KLHL4: variants seen among roughly 807,000 people sequenced by gnomAD.
KLHL4 encodes kelch-like protein 4.
KLHL4 carries 17 observed loss-of-function variants against 45.8 expected under a neutral mutation model. That is an observed-to-expected ratio of 0.37 (90% CI 0.25 to 0.56). The LOEUF (loss-of-function observed/expected upper bound fraction) is 0.56, where lower values mean the gene tolerates loss of function less well. KLHL4 is among the 20% of genes least tolerant of loss of function. KLHL4 has a pLI of 0.79. For missense variants in KLHL4, 544 were observed against 544.9 expected, an observed-to-expected ratio of 1.00 and a Z score of 0.02; for synonymous variants, 224 against 189.9, an observed-to-expected ratio of 1.18 and a Z score of -1.47.
At chrX:87,662,177 T>A (rs917603255) in intron 9 of KLHL4, among the ~76,000 whole-genome samples, 4 of 111,864 alleles carry the variant, frequency 3.6e-5, no homozygotes, top group Non-Finnish European at 7.5e-5. Context: ...AATATAATTT[T>A]CAAAAAGTTA....
intron 9 of KLHL4, among the ~76,000 whole-genome samples, chrX:87,652,587 C>T (rs1446399477): frequency 8.9e-6 from 1 of 112,037 alleles, no homozygotes; most frequent in Non-Finnish European, 1.9e-5. Context: ...CACCTTTGCT[C>T]CAATTCCCAA....
chrX:87,623,745 C>T (rs222067), intron 5 of KLHL4, among the ~76,000 whole-genome samples: 41,737 of 110,570 alleles, frequency 0.38, 6,033 homozygotes, highest in Middle Eastern at 0.47. Flanking sequence ...GCAATAGTAA[C>T]GCCAAAAACA....
In KLHL4 at chrX:87,668,358, T is replaced by A; in HGVS notation, c.*1824T>A. The A allele has an allele frequency of 1.3e-6, 1 of 753,340 alleles. No individual in the cohort carries two copies. The highest frequency in any genetic ancestry group is 1.6e-6 in the Non-Finnish European group (1 of 638,744). The allele number at this position is 753,340 out of a possible 1,213,427, so 62.1% of individuals were successfully genotyped here. On this transcript the variant is annotated 3_prime_UTR_variant, in exon 11 of 11. Coordinates refer to ENST00000373119, the MANE Select transcript of KLHL4 (RefSeq NM_019117.5). ...ACCAATAGGCAGACTGTGTCTAGAG[T>A]CATGCATGGACAAGAGGAAAGTGAA...
intron 1 of KLHL4, among the ~76,000 whole-genome samples, chrX:87,561,723 C>T (rs6614689): frequency 0.25 from 26,976 of 108,860 alleles, 2,894 homozygotes; most frequent in East Asian, 0.51. Context: ...GGCCGTGCTG[C>T]TTGCAGCTGT....
chrX:87,551,766 G>A (rs758522934), intron 1 of KLHL4, among the ~76,000 whole-genome samples: 1 of 111,467 alleles, frequency 9.0e-6, no homozygotes. Context: ...ACAGCCAACT[G>A]ATCTTCCACA....
At chrX:87,541,492 CAAAA>C (rs34665491) in intron 1 of KLHL4, among the ~76,000 whole-genome samples, 2 of 44,402 alleles carry the variant, frequency 4.5e-5, no homozygotes, top group Non-Finnish European at 7.4e-5. Flanking sequence ...CTCCATCTCA[CAAAA>C]AAAAAAAAAA....
chrX:87,518,332 G>C lies in KLHL4; in HGVS notation c.422+17G>C. 1 of 1,157,159 alleles carries C rather than the reference G, an allele frequency of 8.6e-7. No individual in the cohort carries two copies. Among genetic ancestry groups the C allele is most frequent in the Non-Finnish European group, 1.2e-6 (1 of 856,748 alleles). Reference sequence around the variant, plus strand: ...TACAGCAAGGTAAGAGTTTTTGGTCGCATAACTGAATGCCGTAACTTCAGT... The same window carrying C: ...TACAGCAAGGTAAGAGTTTTTGGTCCCATAACTGAATGCCGTAACTTCAGT... On this transcript the variant is annotated intron_variant, in intron 1 of 10. Transcript: ENST00000373119.
chrX:87,535,330 T>G, intron 1 of KLHL4, among the ~76,000 whole-genome samples: 1 of 111,838 alleles, frequency 8.9e-6, no homozygotes, highest in East Asian at 2.8e-4. Flanking sequence ...AAATTATGAA[T>G]GTTCAATCAT....
chrX:87,608,402 A>G (rs1922264919), intron 1 of KLHL4, among the ~76,000 whole-genome samples: 1 of 111,281 alleles, frequency 9.0e-6, no homozygotes, highest in Non-Finnish European at 1.9e-5. Flanking sequence ...TCCTTTCACT[A>G]GTTCTGCTTT....
chrX:87,579,756 G>A (rs1921214310), intron 1 of KLHL4, among the ~76,000 whole-genome samples: 1 of 111,822 alleles, frequency 8.9e-6, no homozygotes, highest in Admixed American at 9.5e-5. Flanking sequence ...AAATGAAGGA[G>A]AGATAAAGAC....
chrX:87,551,335 C>A (rs750422622), intron 1 of KLHL4, among the ~76,000 whole-genome samples: 36 of 111,113 alleles, frequency 3.2e-4, no homozygotes, highest in African/African-American at 1.2e-3. Flanking sequence ...CAAAACACTG[C>A]TGAAAGAAAT....
chrX:87,609,357 C>G (rs1189646826), intron 1 of KLHL4, among the ~76,000 whole-genome samples: 2 of 112,011 alleles, frequency 1.8e-5, no homozygotes, highest in African/African-American at 6.5e-5. Context: ...AATGGTTGAA[C>G]TAGTTTACAG....
Position 87,585,270 on chromosome X carries a change from T to C in KLHL4, c.423-28607T>C, listed in dbSNP as rs1372743685. 1.2e-4 allele frequency among the ~76,000 whole-genome samples: 13 copies of C among 111,375 alleles called. No individual in the cohort carries two copies. In the Admixed American group the frequency reaches 1.2e-3, roughly 11 times the overall value. ...ACTTCAATAAAAAATATAAAGACAT[T>C]AATGATCAATAAATAATTGCCTGAA... On this transcript the variant is annotated intron_variant, in intron 1 of 10. Transcript: ENST00000373119.
rs1924480867 is a variant in KLHL4 at position 87,669,157 on chromosome X, C to G, written c.*2623C>G. ...AAAGGATGTTATTTATATATTCTTA[C>G]AAGAGTGTAAGGGCTCACACATTTA... On this transcript the variant is annotated 3_prime_UTR_variant, in exon 11 of 11. Transcript: ENST00000373119. 4 of 1,038,343 alleles carry G rather than the reference C, an allele frequency of 3.9e-6. No homozygotes were observed. The African/African-American group carries it at 5.7e-5, about 15-fold the overall frequency. The allele number at this position is 1,038,343 out of a possible 1,213,427, so 85.6% of individuals were successfully genotyped here.
At chrX:87,584,090 G>T (rs2213675) in intron 1 of KLHL4, among the ~76,000 whole-genome samples, 26,768 of 111,114 alleles carry the variant, frequency 0.24, 2,707 homozygotes, top group East Asian at 0.5. Flanking sequence ...AATTCTCCCA[G>T]ATCTTGTTGA....
intron 1 of KLHL4, among the ~76,000 whole-genome samples, chrX:87,566,270 G>T (rs1251929310): frequency 3.6e-5 from 4 of 109,923 alleles, no homozygotes; most frequent in Non-Finnish European, 7.6e-5. Flanking sequence ...GACAAACAAA[G>T]ATTTCACAAT....
chrX:87,575,135 C>T (rs1351428185), intron 1 of KLHL4, among the ~76,000 whole-genome samples: 1 of 111,982 alleles, frequency 8.9e-6, no homozygotes, highest in African/African-American at 3.2e-5. Context: ...CAATCTTTAG[C>T]TTCTTTACTA....
intron 1 of KLHL4, among the ~76,000 whole-genome samples, chrX:87,552,233 A>T (rs774292823): frequency 9.0e-6 from 1 of 111,136 alleles, no homozygotes; most frequent in African/African-American, 3.3e-5. Context: ...TGGGCTAAGG[A>T]CATGAATAGA....
intron 1 of KLHL4, among the ~76,000 whole-genome samples, chrX:87,525,689 G>C (rs1931096396): frequency 9.0e-6 from 1 of 111,123 alleles, no homozygotes; most frequent in Admixed American, 9.6e-5. Flanking sequence ...TTACATAAAG[G>C]TTTACTCTGG....
Sources: gnomAD v4.1 joint callset for allele counts (sites outside exome capture counted in the v4.1 genomes callset) on GRCh38, gnomAD v4.1.1 for gene constraint, MANE v1.5 for transcripts, NCBI Gene and HGNC (gene_info 2026-07-23, HGNC 2026-07-21) for gene names.